Variants in BRIP1 observed in about 807,000 individuals in gnomAD.
BRIP1 encodes BRCA1 interacting DNA helicase 1.
BRIP1 carries 88 observed loss-of-function variants against 119.7 expected under a neutral mutation model. The ratio of observed to expected loss-of-function variants is 0.74; its 90% CI spans 0.62 to 0.88. BRIP1 has a LOEUF of 0.88. Ranked by LOEUF, BRIP1 falls within the 40% of genes least tolerant of loss-of-function variation. BRIP1 has a pLI of 0.00. For synonymous variants in BRIP1, 443 were observed against 496.5 expected, an observed-to-expected ratio of 0.89 and a Z score of 1.43; for missense variants, 1,259 against 1,455.4, an observed-to-expected ratio of 0.87 and a Z score of 2.20.
Position 61,761,406 on chromosome 17 carries a change from C to T in BRIP1, c.2097+14995G>A, listed in dbSNP as rs1306561900. On this transcript the variant is annotated intron_variant, in intron 14 of 19. Coordinates refer to ENST00000259008, the MANE Select transcript of BRIP1 (RefSeq NM_032043.3). This position sits in a 1 kb window ranked among gnomAD's most constrained non-coding sequence, Gnocchi z 6.4. ...CTTAACACAGTACTGAAGTCCTTGCCAGAAAAATTTAGAAAGAGAAAGAAA... is the reference window on the plus strand; with the variant it reads ...CTTAACACAGTACTGAAGTCCTTGCTAGAAAAATTTAGAAAGAGAAAGAAA... Among the ~76,000 whole-genome samples the T allele has an allele frequency of 1.3e-5, 2 of 151,652 alleles. No homozygotes were observed. Among genetic ancestry groups the T allele is most frequent in the Non-Finnish European group, 2.9e-5 (2 of 67,880 alleles).
At position 61,844,741 on chromosome 17, in the gene BRIP1, A is replaced by T. The variant is rs1416149933; in HGVS notation, c.627+2360T>A. 6.6e-6 allele frequency among the ~76,000 whole-genome samples: 1 copy of T among 152,262 alleles called. No homozygotes were observed. Among genetic ancestry groups the T allele is most frequent in the African/African-American group, 2.4e-5 (1 of 41,474 alleles). On this transcript the variant is annotated intron_variant, in intron 6 of 19. Coordinates refer to ENST00000259008, the MANE Select transcript of BRIP1 (RefSeq NM_032043.3). The surrounding 1 kb of genome is among the most constrained non-coding windows in gnomAD (Gnocchi z 4.7). The stretch of plus-strand genomic sequence containing the variant: ...TTTAGGTGGCTCCAGGACTGCAAAG[A>T]GGCATTTTAGAGAGAATATAAAATA...
In BRIP1 at chr17:61,743,932, C is replaced by T. The variant is rs1348433112; in HGVS notation, c.2257+500G>A. Among the ~76,000 whole-genome samples, 1 of 152,160 alleles carries T rather than the reference C, an allele frequency of 6.6e-6. No individual in the cohort carries two copies. The highest frequency in any genetic ancestry group is 1.9e-4 in the East Asian group (1 of 5,188). The stretch of plus-strand genomic sequence containing the variant: ...GAACTCCTGGGCTCAAGTGATCCAC[C>T]CGCCTCAGCCTCCCAAAGCGCTAGG... On this transcript the variant is annotated intron_variant, in intron 15 of 19. Transcript: ENST00000259008. The surrounding 1 kb of genome is among the most constrained non-coding windows in gnomAD (Gnocchi z 4.3).
chr17:61,857,466 G>C lies in BRIP1; in HGVS notation c.206-235C>G, dbSNP rs770969673. Among the ~76,000 whole-genome samples, 2 of 152,188 alleles carry C rather than the reference G, an allele frequency of 1.3e-5. No individual in the cohort carries two copies. The highest frequency in any genetic ancestry group is 1.9e-4 in the East Asian group (1 of 5,198). On this transcript the variant is annotated intron_variant, in intron 3 of 19. Transcript: ENST00000259008. This position sits in a 1 kb window ranked among gnomAD's most constrained non-coding sequence, Gnocchi z 5.1. ...TGGTTGGACACAGTGGCTCACGCCT[G>C]TTATCCTAGCACTTTGGGAGGCCGA... is the stretch of plus-strand genomic sequence containing the variant.
At chr17:61,685,630 A>G in intron 19 of BRIP1, 1 of 570,506 alleles carries the variant, frequency 1.8e-6, no homozygotes, top group Non-Finnish European at 3.1e-6. Context: ...AAAGCCAGTT[A>G]GTGGAAAACC....
intron 6 of BRIP1, among the ~76,000 whole-genome samples, chr17:61,837,243 G>A (rs1266086123): frequency 6.6e-6 from 1 of 152,006 alleles, no homozygotes; most frequent in African/African-American, 2.4e-5. Context: ...GCATATATAT[G>A]CAGTTATGTT....
In BRIP1 at chr17:61,722,505, T is replaced by C. The variant is rs1182123611; in HGVS notation, c.2380-6442A>G. 2.0e-5 allele frequency among the ~76,000 whole-genome samples: 3 copies of C among 152,148 alleles called. No homozygotes were observed. The highest frequency in any genetic ancestry group is 7.2e-5 in the African/African-American group (3 of 41,422). Reference sequence around the variant, plus strand: ...TAAAATTCTGTCCAGCTGGGAAAAATATATGTATTTCCTACCTATCTCTCA... The same window carrying C: ...TAAAATTCTGTCCAGCTGGGAAAAACATATGTATTTCCTACCTATCTCTCA... On this transcript the variant is annotated intron_variant, in intron 16 of 19. Transcript: ENST00000259008. The surrounding 1 kb of genome is among the most constrained non-coding windows in gnomAD (Gnocchi z 4.6).
intron 16 of BRIP1, among the ~76,000 whole-genome samples, chr17:61,728,729 CAG>C (rs1178895493): frequency 6.6e-6 from 1 of 152,052 alleles, no homozygotes. Context: ...AGGATGATAG[CAG>C]TTATTGGATG....
At chr17:61,797,682 T>C (rs1016663295) in intron 9 of BRIP1, among the ~76,000 whole-genome samples, 1 of 152,038 alleles carries the variant, frequency 6.6e-6, no homozygotes, top group African/African-American at 2.4e-5. Flanking sequence ...ACAACTCTTA[T>C]TGCAGGCAAA....
intron 18 of BRIP1, among the ~76,000 whole-genome samples, chr17:61,688,113 G>A (rs531090928): frequency 5.9e-5 from 9 of 152,230 alleles, no homozygotes; most frequent in African/African-American, 1.9e-4. Context: ...CTAGGGACTC[G>A]TTTCTGTCTT....
chr17:61,811,817 T>C (rs2078166563), intron 6 of BRIP1, among the ~76,000 whole-genome samples: 1 of 151,628 alleles, frequency 6.6e-6, no homozygotes, highest in Non-Finnish European at 1.5e-5. Context: ...CCAGGCATGG[T>C]GGCATGTGCC....
chr17:61,745,464 G>C lies in BRIP1; in HGVS notation c.2098-873C>G, dbSNP rs1048273522. Among the ~76,000 whole-genome samples, 1 of 152,104 alleles carries C rather than the reference G, an allele frequency of 6.6e-6. No individual in the cohort carries two copies. Among genetic ancestry groups the C allele is most frequent in the Admixed American group, 6.5e-5 (1 of 15,268 alleles). On this transcript the variant is annotated intron_variant, in intron 14 of 19. Coordinates refer to ENST00000259008, the MANE Select transcript of BRIP1 (RefSeq NM_032043.3). This position sits in a 1 kb window ranked among gnomAD's most constrained non-coding sequence, Gnocchi z 4.4. Reference sequence around the variant, plus strand: ...GCTCAGTGCAGCCTCGAACTACTAGGCTCAGGCAATCCCTCCACCTTAGCC... The same window carrying C: ...GCTCAGTGCAGCCTCGAACTACTAGCCTCAGGCAATCCCTCCACCTTAGCC...
At chr17:61,749,008 A>G (rs4968407) in intron 14 of BRIP1, among the ~76,000 whole-genome samples, 150,704 of 151,582 alleles carry the variant, frequency 0.99, 74,919 homozygotes, top group Middle Eastern at 1. Flanking sequence ...ATGGTGGCGC[A>G]CGCCTGTAGT....
In BRIP1 at chr17:61,808,784, T is replaced by A. The variant is rs765256077; in HGVS notation, c.628-27A>T. 8.7e-6 allele frequency: 14 copies of A among 1,602,720 alleles called. No individual in the cohort carries two copies. Among genetic ancestry groups the A allele is most frequent in the Non-Finnish European group, 1.1e-5 (13 of 1,175,564 alleles). On this transcript the variant is annotated intron_variant, in intron 6 of 19. Coordinates refer to ENST00000259008, the MANE Select transcript of BRIP1 (RefSeq NM_032043.3). The surrounding 1 kb of genome is among the most constrained non-coding windows in gnomAD (Gnocchi z 4.1). ...TGTAAGAAAGGAAAGAAACGATAACTAATATCTAAACTACCATAAAAAACG... is the reference window on the plus strand; with the variant it reads ...TGTAAGAAAGGAAAGAAACGATAACAAATATCTAAACTACCATAAAAAACG...
rs1329177000 is a variant in BRIP1, at chr17:61,793,751, G to A, written c.1341-22C>T. On this transcript the variant is annotated intron_variant, in intron 9 of 19. Transcript: ENST00000259008. The surrounding 1 kb of genome is among the most constrained non-coding windows in gnomAD (Gnocchi z 5.2). ...CCAACTGAAATAAAATAAAACAATT[G>A]TGTCAACCAGTATCATCCTTACACA... is the stretch of plus-strand genomic sequence containing the variant. The A allele has an allele frequency of 3.7e-6, 6 of 1,602,874 alleles. No individual in the cohort carries two copies. In the East Asian group the frequency reaches 1.1e-4, roughly 30 times the overall value.
At chr17:61,715,093 A>G (rs2061839567) in intron 17 of BRIP1, among the ~76,000 whole-genome samples, 1 of 150,942 alleles carries the variant, frequency 6.6e-6, no homozygotes, top group Non-Finnish European at 1.5e-5. Context: ...CCAGCTACTC[A>G]GGAGGCTGAG....
In BRIP1 at chr17:61,844,500, G is replaced by C. The variant is rs1316496164; in HGVS notation, c.627+2601C>G. Among the ~76,000 whole-genome samples, 2 of 152,142 alleles carry C rather than the reference G, an allele frequency of 1.3e-5. No individual in the cohort carries two copies. The highest frequency in any genetic ancestry group is 2.9e-5 in the Non-Finnish European group (2 of 68,032). ...TGCTATTCAGGAGGCTGGGGTTGGA[G>C]GATCACTTGAGCCTGGGATTTTGAG... On this transcript the variant is annotated intron_variant, in intron 6 of 19. Transcript: ENST00000259008. This position sits in a 1 kb window ranked among gnomAD's most constrained non-coding sequence, Gnocchi z 4.7.
rs1462129218 is a variant in BRIP1, at chr17:61,738,617, G to A, written c.2379+4396C>T. On this transcript the variant is annotated intron_variant, in intron 16 of 19. Coordinates refer to ENST00000259008, the MANE Select transcript of BRIP1 (RefSeq NM_032043.3). This position sits in a 1 kb window ranked among gnomAD's most constrained non-coding sequence, Gnocchi z 4.2. ...ATTGTCTAGGAAGAATTTATCCTGA[G>A]GAAAAAAAGCATTAAGAACCCCAGA... Among the ~76,000 whole-genome samples, 2 of 151,802 alleles carry A rather than the reference G, an allele frequency of 1.3e-5. No homozygotes were observed. Among genetic ancestry groups the A allele is most frequent in the African/African-American group, 2.4e-5 (1 of 41,336 alleles).
At chr17:61,863,012 G>T (rs2078991498) in intron 1 of BRIP1, among the ~76,000 whole-genome samples, 1 of 152,142 alleles carries the variant, frequency 6.6e-6, no homozygotes, top group Non-Finnish European at 1.5e-5. Context: ...CAACAATAGT[G>T]TCAAAATGGG....
intron 6 of BRIP1, among the ~76,000 whole-genome samples, chr17:61,839,627 T>A (rs1293856758): frequency 2.0e-5 from 3 of 152,158 alleles, no homozygotes; most frequent in African/African-American, 7.2e-5. Context: ...ACTAGTGAAA[T>A]GTTATCATTT....
Sources: allele counts gnomAD v4.1 joint callset (sites outside exome capture counted in the v4.1 genomes callset), GRCh38; gene constraint gnomAD v4.1.1; non-coding constraint Gnocchi (gnomAD v3.1); transcripts MANE v1.5; gene names NCBI Gene and HGNC (gene_info 2026-07-23, HGNC 2026-07-21).